CA10: variants seen among roughly 807,000 people sequenced by gnomAD.
The protein encoded by CA10 is carbonic anhydrase 10 (inactive).
A neutral mutation model predicts 44.2 loss-of-function variants in CA10; 14 were observed. The ratio of observed to expected loss-of-function variants is 0.32; its 90% CI spans 0.21 to 0.50. The LOEUF is 0.50. Ranked by LOEUF, CA10 falls within the 20% of genes least tolerant of loss-of-function variation. The pLI, the probability that CA10 is intolerant of heterozygous loss-of-function variation, is 0.99. For missense variants in CA10, 350 were observed against 409.7 expected, an observed-to-expected ratio of 0.85 and a Z score of 1.26; for synonymous variants, 159 against 141.6, an observed-to-expected ratio of 1.12 and a Z score of -0.87.
rs1464771234 is a variant in CA10, at chr17:51,878,943, T to C, written c.279+52047A>G. Among the ~76,000 whole-genome samples the C allele has an allele frequency of 2.1e-5, 3 of 141,862 alleles. No individual in the cohort carries two copies. In the East Asian group the frequency reaches 6.5e-4, roughly 31 times the overall value. 93.1% of individuals were successfully genotyped at this position (141,862 alleles called of 152,430 possible). On this transcript the variant is annotated intron_variant, in intron 3 of 8. Coordinates refer to ENST00000451037, the MANE Select transcript of CA10 (RefSeq NM_020178.5). ...GTGTATGTGTGTTTGTGTATATATATATATAATGAACAAATATAACAATAA... is the reference window on the plus strand; with the variant it reads ...GTGTATGTGTGTTTGTGTATATATACATATAATGAACAAATATAACAATAA...
At chr17:51,657,157 C>A (rs978377282) in intron 4 of CA10, among the ~76,000 whole-genome samples, 7 of 152,138 alleles carry the variant, frequency 4.6e-5, no homozygotes, top group African/African-American at 1.2e-4. Context: ...GCTGAAGAGG[C>A]ACCAGGAGAT....
At chr17:52,109,261 A>C (rs1170964719) in intron 1 of CA10, among the ~76,000 whole-genome samples, 2 of 152,220 alleles carry the variant, frequency 1.3e-5, no homozygotes. Context: ...TTGCTCTAAG[A>C]GATTTTCGGA....
At chr17:52,121,160 T>C (rs896019934) in intron 1 of CA10, among the ~76,000 whole-genome samples, 5 of 152,202 alleles carry the variant, frequency 3.3e-5, no homozygotes, top group Non-Finnish European at 5.9e-5. Flanking sequence ...GTTTTCCATA[T>C]AGCAGATAGC....
chr17:52,064,150 G>C (rs1449654169), intron 2 of CA10, among the ~76,000 whole-genome samples: 1 of 152,206 alleles, frequency 6.6e-6, no homozygotes, highest in Non-Finnish European at 1.5e-5. Context: ...TTATTCAGCA[G>C]TGGCAGGCCA....
chr17:51,966,478 C>G (rs554525735), intron 2 of CA10, among the ~76,000 whole-genome samples: 1 of 151,884 alleles, frequency 6.6e-6, no homozygotes, highest in Non-Finnish European at 1.5e-5. Context: ...CTACAGTAAC[C>G]AAAACAGCAT....
At chr17:51,931,229 A>C in intron 2 of CA10, 97 bp from the exon 3 acceptor site, 1 of 1,207,158 alleles carries the variant, frequency 8.3e-7, no homozygotes, top group Non-Finnish European at 1.2e-6. Flanking sequence ...AAAATGGAAG[A>C]GAACCACCAA....
chr17:51,795,663 G>T (rs992100897), intron 3 of CA10, among the ~76,000 whole-genome samples: 32 of 152,168 alleles, frequency 2.1e-4, no homozygotes, highest in African/African-American at 7.5e-4. Flanking sequence ...TCCTCCAGGA[G>T]GTAAAGGACC....
intron 3 of CA10, among the ~76,000 whole-genome samples, chr17:51,787,407 C>G (rs1906332850): frequency 6.6e-6 from 1 of 152,054 alleles, no homozygotes; most frequent in Non-Finnish European, 1.5e-5. Flanking sequence ...CTAGATTATC[C>G]AACTTATTAG....
chr17:51,806,778 A>G (rs2143729704), intron 3 of CA10, among the ~76,000 whole-genome samples: 1 of 152,370 alleles, frequency 6.6e-6, no homozygotes, highest in South Asian at 2.1e-4. Flanking sequence ...CATCAGCACA[A>G]GGAATATAAT....
At chr17:51,658,298 A>G (rs1362251616) in intron 4 of CA10, among the ~76,000 whole-genome samples, 2 of 152,238 alleles carry the variant, frequency 1.3e-5, no homozygotes, top group Non-Finnish European at 2.9e-5. Flanking sequence ...CAATTGGAAT[A>G]AGACTGAGAA....
chr17:51,793,874 G>T (rs1906612352), intron 3 of CA10, among the ~76,000 whole-genome samples: 1 of 152,162 alleles, frequency 6.6e-6, no homozygotes, highest in Admixed American at 6.5e-5. Context: ...GCCTCCATCT[G>T]CCTTCCAATG....
chr17:52,137,091 ATT>A (rs758092131), intron 1 of CA10, among the ~76,000 whole-genome samples: 1 of 145,870 alleles, frequency 6.9e-6, no homozygotes, highest in Non-Finnish European at 1.5e-5. Flanking sequence ...GGATGTGGGG[ATT>A]TTTTTTTTTT....
chr17:52,108,191 T>TA (rs1567735839), intron 1 of CA10, among the ~76,000 whole-genome samples: 40 of 61,292 alleles, frequency 6.5e-4, no homozygotes, highest in African/African-American at 2.8e-3. Flanking sequence ...ATATATATAT[T>TA]TTTTATATAT....
intron 3 of CA10, among the ~76,000 whole-genome samples, chr17:51,787,322 G>T (rs1259256897): frequency 6.6e-6 from 1 of 151,960 alleles, no homozygotes; most frequent in African/African-American, 2.4e-5. Flanking sequence ...CTTGTTATTT[G>T]TCTTTTCAGC....
chr17:51,908,838 A>G (rs1214430561), intron 3 of CA10, among the ~76,000 whole-genome samples: 1 of 152,172 alleles, frequency 6.6e-6, no homozygotes, highest in African/African-American at 2.4e-5. Flanking sequence ...ACCCTACTTT[A>G]CCAAATCACT....
intron 1 of CA10, among the ~76,000 whole-genome samples, chr17:52,101,725 A>C (rs1439957791): frequency 6.6e-6 from 1 of 152,180 alleles, no homozygotes; most frequent in Non-Finnish European, 1.5e-5. Flanking sequence ...TTGACTACTA[A>C]TAAGTTTCTC....
chr17:51,820,932 T>G (rs1420814595), intron 3 of CA10, among the ~76,000 whole-genome samples: 2 of 152,014 alleles, frequency 1.3e-5, no homozygotes, highest in Admixed American at 6.5e-5. Context: ...AGTAGAAATC[T>G]TGAGGATTGT....
intron 3 of CA10, among the ~76,000 whole-genome samples, chr17:51,809,048 C>T (rs372808110): frequency 6.6e-6 from 1 of 151,572 alleles, no homozygotes; most frequent in East Asian, 1.9e-4. Flanking sequence ...TTATTAAGCC[C>T]TGACTTGGCA....
At chr17:51,660,672 G>A (rs928595706) in intron 4 of CA10, among the ~76,000 whole-genome samples, 7 of 152,176 alleles carry the variant, frequency 4.6e-5, no homozygotes, top group African/African-American at 9.6e-5. Context: ...TTTTGTGAGC[G>A]CAAAAGAGCA....
Sources: allele counts gnomAD v4.1 joint callset (sites outside exome capture counted in the v4.1 genomes callset), GRCh38; gene constraint gnomAD v4.1.1; transcripts MANE v1.5; gene names NCBI Gene and HGNC (gene_info 2026-07-23, HGNC 2026-07-21).